Variants in PCDHGA12 observed in about 807,000 individuals in gnomAD.
PCDHGA12 encodes protocadherin gamma-A12.
PCDHGA12 carries 43 observed loss-of-function variants against 61.1 expected under a neutral mutation model. The ratio of observed to expected loss-of-function variants is 0.70; its 90% CI spans 0.55 to 0.91. PCDHGA12 has a LOEUF of 0.91. Ranked by LOEUF, PCDHGA12 falls within the 40% of genes least tolerant of loss-of-function variation. The pLI, the probability that PCDHGA12 is intolerant of heterozygous loss-of-function variation, is 0.00. For missense variants in PCDHGA12, 1,236 were observed against 1,227.7 expected, an observed-to-expected ratio of 1.01 and a Z score of -0.10; for synonymous variants, 520 against 542.9, an observed-to-expected ratio of 0.96 and a Z score of 0.59.
At chr5:141,456,593 G>C (rs917316601) in intron 1 of PCDHGA12, among the ~76,000 whole-genome samples, 2 of 152,168 alleles carry the variant, frequency 1.3e-5, no homozygotes, top group African/African-American at 4.8e-5. Flanking sequence ...CAATAATTTT[G>C]ATTTGATTTT....
Position 141,485,844 on chromosome 5 carries a change from G to A in PCDHGA12, c.2425-8963G>A, listed in dbSNP as rs201857404. On this transcript the variant is annotated intron_variant, in intron 1 of 3. Transcript: ENST00000252085. The surrounding 1 kb of genome is among the most constrained non-coding windows in gnomAD (Gnocchi z 5.7). ...GATGGAGGGAACCCGCCGAGATCTGGCACCGCAGAGCTCCGGGTATCCGTG... is the reference window on the plus strand; with the variant it reads ...GATGGAGGGAACCCGCCGAGATCTGACACCGCAGAGCTCCGGGTATCCGTG... 6 of 1,613,890 alleles carry A rather than the reference G, an allele frequency of 3.7e-6. No homozygotes were observed. In the East Asian group the frequency reaches 1.1e-4, roughly 30 times the overall value.
chr5:141,435,838 C>T (rs1037110579), intron 1 of PCDHGA12, among the ~76,000 whole-genome samples: 1 of 152,062 alleles, frequency 6.6e-6, no homozygotes, highest in Non-Finnish European at 1.5e-5. Context: ...TGCCTATCTA[C>T]TTTGAAAGAT....
chr5:141,448,912 T>C (rs1195715286), intron 1 of PCDHGA12, among the ~76,000 whole-genome samples: 1 of 152,152 alleles, frequency 6.6e-6, no homozygotes, highest in Non-Finnish European at 1.5e-5. Flanking sequence ...GCCACTGCAC[T>C]CCAGCCTGGG....
intron 1 of PCDHGA12, among the ~76,000 whole-genome samples, chr5:141,458,513 G>T (rs968604511): frequency 6.8e-6 from 1 of 146,128 alleles, no homozygotes; most frequent in Non-Finnish European, 1.5e-5. Flanking sequence ...TTGACACTTT[G>T]TTTTTTTTTT....
chr5:141,509,516 T>C (rs2099877144), intron 3 of PCDHGA12, among the ~76,000 whole-genome samples: 1 of 152,130 alleles, frequency 6.6e-6, no homozygotes, highest in Non-Finnish European at 1.5e-5. Context: ...GTGTTGATGA[T>C]GTATTGCACA....
chr5:141,476,523 C>G lies in PCDHGA12; in HGVS notation c.2425-18284C>G. On this transcript the variant is annotated intron_variant, in intron 1 of 3. Transcript: ENST00000252085. This position sits in a 1 kb window ranked among gnomAD's most constrained non-coding sequence, Gnocchi z 7.6. ...ATCAACGACAACAATCCTGCTTTCC[C>G]TACCCAGGAAATGAAATTGGAGATT... is the stretch of plus-strand genomic sequence containing the variant. 1 of 1,614,218 alleles carries G rather than the reference C, an allele frequency of 6.2e-7. No individual in the cohort carries two copies.
Position 141,430,735 on chromosome 5 carries a change from A to T in PCDHGA12, c.-25A>T, listed in dbSNP as rs1255723102. ...ACTTCAGTGGTTAAGGGCAGAATTG[A>T]AAATAATTCTGGAGGAAGATAAGAA... On this transcript the variant is annotated 5_prime_UTR_variant, in exon 1 of 4. Transcript: ENST00000252085. 1 of 1,497,964 alleles carries T rather than the reference A, an allele frequency of 6.7e-7. No homozygotes were observed. The highest frequency in any genetic ancestry group is 8.9e-7 in the Non-Finnish European group (1 of 1,125,330). 92.8% of individuals were successfully genotyped at this position (1,497,964 alleles called of 1,614,324 possible).
chr5:141,441,517 G>A (rs1316654534), intron 1 of PCDHGA12: 1 of 172,138 alleles, frequency 5.8e-6, no homozygotes, highest in South Asian at 1.3e-4. Flanking sequence ...CGTCGTCCAC[G>A]TGGCCAAGAA....
chr5:141,491,438 G>A lies in PCDHGA12; in HGVS notation c.2425-3369G>A, dbSNP rs376927300. The A allele has an allele frequency of 3.7e-6, 6 of 1,614,066 alleles. No homozygotes were observed. Among genetic ancestry groups the A allele is most frequent in the Admixed American group, 1.7e-5 (1 of 60,016 alleles). On this transcript the variant is annotated intron_variant, in intron 1 of 3. Coordinates refer to ENST00000252085, the MANE Select transcript of PCDHGA12 (RefSeq NM_003735.3). This position sits in a 1 kb window ranked among gnomAD's most constrained non-coding sequence, Gnocchi z 6.9. ...GGGGGTGGAGGGCAGTGCTGCAGGC[G>A]CCAGGACTCACCCTCCCCGGACTTC...
At position 141,476,418 on chromosome 5, in the gene PCDHGA12, T is replaced by G. The variant is rs201255025; in HGVS notation, c.2425-18389T>G. ...GATCGAGAGGAGCTGTGTGGGACAC[T>G]GCCCTCTTGCACTGTAACTCTGGAG... On this transcript the variant is annotated intron_variant, in intron 1 of 3. Transcript: ENST00000252085. This position sits in a 1 kb window ranked among gnomAD's most constrained non-coding sequence, Gnocchi z 7.6. 8 of 1,614,122 alleles carry G rather than the reference T, an allele frequency of 5.0e-6. No homozygotes were observed. The highest frequency in any genetic ancestry group is 1.6e-4 in the Middle Eastern group (1 of 6,062).
intron 1 of PCDHGA12, among the ~76,000 whole-genome samples, chr5:141,484,837 T>C (rs1289449270): frequency 6.6e-6 from 1 of 151,620 alleles, no homozygotes; most frequent in Non-Finnish European, 1.5e-5. Context: ...GGCGAAAAGA[T>C]AGGCTGGGTT....
chr5:141,475,527 C>G (rs1462406655), intron 1 of PCDHGA12, among the ~76,000 whole-genome samples: 2 of 152,172 alleles, frequency 1.3e-5, no homozygotes, highest in African/African-American at 2.4e-5. Context: ...ATGCTAAATG[C>G]CTCCTTACAA....
chr5:141,469,284 A>G lies in PCDHGA12; in HGVS notation c.2425-25523A>G, dbSNP rs192391622. On this transcript the variant is annotated intron_variant, in intron 1 of 3. Transcript: ENST00000252085. ...AGAGCAAGACCCCATCTCAAAAAAT[A>G]AAACAAAATAGACTGGGCACGATGG... Among the ~76,000 whole-genome samples, 595 of 152,012 alleles carry G rather than the reference A, an allele frequency of 3.9e-3. 6 individuals are homozygous for G. The highest frequency in any genetic ancestry group is 0.011 in the Admixed American group (171 of 15,260).
chr5:141,500,986 A>G (rs1223940696), intron 2 of PCDHGA12, among the ~76,000 whole-genome samples: 1 of 151,656 alleles, frequency 6.6e-6, no homozygotes, highest in East Asian at 1.9e-4. Flanking sequence ...CTCCTGCCTC[A>G]GCCTCCTGAG....
chr5:141,494,115 GC>G (rs1445167222), intron 1 of PCDHGA12, among the ~76,000 whole-genome samples: 1 of 152,186 alleles, frequency 6.6e-6, no homozygotes, highest in African/African-American at 2.4e-5. Context: ...AGACAGAGCA[GC>G]CTTGTTCTCT....
chr5:141,505,705 GAA>G (rs1250788277), intron 3 of PCDHGA12, among the ~76,000 whole-genome samples: 1 of 152,198 alleles, frequency 6.6e-6, no homozygotes, highest in Non-Finnish European at 1.5e-5. Flanking sequence ...AGCGAACAAG[GAA>G]AAGACTCATG....
chr5:141,490,612 C>G lies in PCDHGA12; in HGVS notation c.2425-4195C>G, dbSNP rs1393568166. ...CAATGCACCCCGCTTCAACCAGCAG[C>G]TTTACACTGCTTACATCCTAGAAAA... On this transcript the variant is annotated intron_variant, in intron 1 of 3. Coordinates refer to ENST00000252085, the MANE Select transcript of PCDHGA12 (RefSeq NM_003735.3). This position sits in a 1 kb window ranked among gnomAD's most constrained non-coding sequence, Gnocchi z 5.4. The G allele has an allele frequency of 6.2e-7, 1 of 1,614,082 alleles. No homozygotes were observed. Among genetic ancestry groups the G allele is most frequent in the Non-Finnish European group, 8.5e-7 (1 of 1,180,032 alleles).
intron 1 of PCDHGA12, among the ~76,000 whole-genome samples, chr5:141,445,011 T>C (rs970882082): frequency 1.3e-5 from 2 of 152,196 alleles, no homozygotes; most frequent in Non-Finnish European, 2.9e-5. Flanking sequence ...AATTAGGTCT[T>C]TAATTTCTCT....
At chr5:141,502,484 G>A (rs962659219) in intron 2 of PCDHGA12, among the ~76,000 whole-genome samples, 1 of 152,000 alleles carries the variant, frequency 6.6e-6, no homozygotes. Context: ...CATCACACTG[G>A]GACTCATCTA....
Sources: allele counts gnomAD v4.1 joint callset (sites outside exome capture counted in the v4.1 genomes callset), GRCh38; gene constraint gnomAD v4.1.1; non-coding constraint Gnocchi (gnomAD v3.1); transcripts MANE v1.5; gene names NCBI Gene and HGNC (gene_info 2026-07-23, HGNC 2026-07-21).